The following HMGB1 variants were observed in gnomAD, a reference collection of about 807,000 sequenced individuals.
The protein encoded by HMGB1 is high mobility group box 1, also known as high mobility group protein B1.
For synonymous variants in HMGB1, 81 were observed against 84.0 expected (o/e 0.96, Z 0.19); for missense variants, 79 against 253.5 (o/e 0.31, Z 4.67).
intron 1 of HMGB1, among the ~76,000 whole-genome samples, chr13:30,484,081 C>T (rs538086245): frequency 5.3e-5 from 8 of 152,294 alleles, no homozygotes; most frequent in African/African-American, 1.7e-4. Context: ...ACCTGTCCAA[C>T]TCATGCTTGT....
intron 1 of HMGB1, among the ~76,000 whole-genome samples, chr13:30,581,696 AGGACTCTTGCTTT>A (rs1001502843): frequency 1.3e-5 from 2 of 152,202 alleles, no homozygotes; most frequent in African/African-American, 4.8e-5. Flanking sequence ...GTTCCCAATC[AGGACTCTTGCTTT>A]GATAGAAGGC....
chr13:30,613,286 G>T (rs764846051), intron 1 of HMGB1, among the ~76,000 whole-genome samples: 2 of 152,116 alleles, frequency 1.3e-5, no homozygotes, highest in Non-Finnish European at 2.9e-5. Flanking sequence ...GCCTCCCAAA[G>T]TGCTGGGATT....
chr13:30,587,432 C>T (rs1593329103), intron 1 of HMGB1, among the ~76,000 whole-genome samples: 1 of 152,312 alleles, frequency 6.6e-6, no homozygotes, highest in East Asian at 1.9e-4. Context: ...AGCAATTCTC[C>T]TGCCTCAGCT....
chr13:30,524,362 AAAAAG>A (rs1888316112), intron 1 of HMGB1, among the ~76,000 whole-genome samples: 1 of 145,482 alleles, frequency 6.9e-6, no homozygotes, highest in Non-Finnish European at 1.5e-5. Context: ...AAAAAAGAAA[AAAAAG>A]AAGAACTGCC....
intron 1 of HMGB1, among the ~76,000 whole-genome samples, chr13:30,610,152 C>T (rs1192891295): frequency 6.6e-6 from 1 of 152,158 alleles, no homozygotes; most frequent in Non-Finnish European, 1.5e-5. Context: ...ACACATATGA[C>T]ATACAAAATA....
At chr13:30,613,621 T>C (rs180827296) in intron 1 of HMGB1, among the ~76,000 whole-genome samples, 3 of 152,380 alleles carry the variant, frequency 2.0e-5, no homozygotes, top group Non-Finnish European at 2.9e-5. Flanking sequence ...ACTTGCTTCA[T>C]ATATACATAC....
At chr13:30,602,021 G>C (rs1408387276) in intron 1 of HMGB1, among the ~76,000 whole-genome samples, 1 of 152,126 alleles carries the variant, frequency 6.6e-6, no homozygotes, top group East Asian at 1.9e-4. Flanking sequence ...CTCGGGGCAG[G>C]GGGGTGAACA....
At chr13:30,526,299 C>T (rs1478798486) in intron 1 of HMGB1, among the ~76,000 whole-genome samples, 11 of 151,928 alleles carry the variant, frequency 7.2e-5, no homozygotes, top group African/African-American at 2.2e-4. Context: ...TCAAGTGATG[C>T]GCCTGCCTCG....
chr13:30,593,910 A>G (rs939884650), intron 1 of HMGB1, among the ~76,000 whole-genome samples: 1 of 152,202 alleles, frequency 6.6e-6, no homozygotes, highest in African/African-American at 2.4e-5. Context: ...TAAATGCAAG[A>G]AAGGAAAAAA....
At chr13:30,600,960 A>G (rs1273748874) in intron 1 of HMGB1, among the ~76,000 whole-genome samples, 1 of 152,212 alleles carries the variant, frequency 6.6e-6, no homozygotes, top group Non-Finnish European at 1.5e-5. Context: ...ACTTGCATGT[A>G]TACATCCAGA....
At chr13:30,538,345 G>A (rs370619266) in intron 1 of HMGB1, among the ~76,000 whole-genome samples, 13 of 152,178 alleles carry the variant, frequency 8.5e-5, no homozygotes, top group African/African-American at 3.1e-4. Context: ...GAAAAGGAGG[G>A]GAAAGAAAGC....
intron 1 of HMGB1, among the ~76,000 whole-genome samples, chr13:30,611,790 T>A (rs1950515010): frequency 6.6e-6 from 1 of 151,904 alleles, no homozygotes; most frequent in Admixed American, 6.6e-5. Context: ...TCTGTGCATC[T>A]CTTCATCTGG....
chr13:30,543,029 T>C (rs1292487807), intron 1 of HMGB1: 1 of 152,266 alleles, frequency 6.6e-6, no homozygotes, highest in African/African-American at 2.4e-5. Flanking sequence ...TGCTTGACTT[T>C]AATCATTCAG....
At position 30,600,176 on chromosome 13, in the gene HMGB1, T is replaced by C. The variant is rs528869897; in HGVS notation, c.-15+16495A>G. Among the ~76,000 whole-genome samples the C allele has an allele frequency of 1.5e-3, 236 of 152,350 alleles. 1 individual carries two copies. Among genetic ancestry groups the C allele is most frequent in the Middle Eastern group, 6.8e-3 (2 of 294 alleles). ...CAAAACCTAAAATTCTTCTATTCTT[T>C]CATTGGCAATTTATTTCCCCTGAAA... is the stretch of plus-strand genomic sequence containing the variant. On this transcript the variant is annotated intron_variant, in intron 1 of 4. Coordinates refer to the HMGB1 transcript ENST00000405805.
chr13:30,600,355 T>C (rs1436112039), intron 1 of HMGB1, among the ~76,000 whole-genome samples: 1 of 152,236 alleles, frequency 6.6e-6, no homozygotes, highest in Non-Finnish European at 1.5e-5. Flanking sequence ...GATCACTGTC[T>C]GCTTTAATAA....
In HMGB1 at chr13:30,570,091, A is replaced by G. The variant is rs546294962; in HGVS notation, c.-15+46580T>C. Among the ~76,000 whole-genome samples the G allele has an allele frequency of 6.6e-5, 10 of 152,326 alleles. No individual in the cohort carries two copies. In the East Asian group the frequency reaches 1.9e-3, roughly 29 times the overall value. On this transcript the variant is annotated intron_variant, in intron 1 of 4. Coordinates refer to the HMGB1 transcript ENST00000405805. Reference sequence around the variant, plus strand: ...TTTCTTTGTAAGTGAAGGACAGCACACTGGTTTTGATGACTCACGAGAGAG... The same window carrying G: ...TTTCTTTGTAAGTGAAGGACAGCACGCTGGTTTTGATGACTCACGAGAGAG...
rs370300946 is a variant in HMGB1, at chr13:30,561,591, A to G, written c.-15+55080T>C. On this transcript the variant is annotated intron_variant, in intron 1 of 4. Transcript: ENST00000405805. ...AGTCAGTGAAGTAGTAGGAACGATG[A>G]CAGATGACACTGGGTTGAAGACTGA... 2.1e-3 allele frequency among the ~76,000 whole-genome samples: 321 copies of G among 152,272 alleles called. 1 individual carries two copies. Among genetic ancestry groups the G allele is most frequent in the African/African-American group, 7.3e-3 (304 of 41,540 alleles).
intron 1 of HMGB1, among the ~76,000 whole-genome samples, chr13:30,585,728 T>A (rs993940616): frequency 6.6e-6 from 1 of 151,866 alleles, no homozygotes; most frequent in African/African-American, 2.4e-5. Flanking sequence ...ATAAATATCT[T>A]TTTTAACATC....
rs1430020480 is a variant in HMGB1 at position 30,601,541 on chromosome 13, C to G, written c.-15+15130G>C. Among the ~76,000 whole-genome samples the G allele has an allele frequency of 5.0e-5, 2 of 39,812 alleles. 1 individual carries two copies. Among genetic ancestry groups the G allele is most frequent in the Non-Finnish European group, 8.9e-5 (2 of 22,380 alleles). 26.1% of individuals were successfully genotyped at this position (39,812 alleles called of 152,430 possible). A position where few individuals can be genotyped will look rare whatever the true frequency, so the allele number is the denominator to read the frequency against. On this transcript the variant is annotated intron_variant, in intron 1 of 4. Transcript: ENST00000405805. ...CGGGCGGATCACGAGGTCAAGAGAT[C>G]GAGACCATCCCGGCTAAAACGGTGA... is the stretch of plus-strand genomic sequence containing the variant.
Sources: gnomAD v4.1 joint callset for allele counts (sites outside exome capture counted in the v4.1 genomes callset) on GRCh38, gnomAD v4.1.1 for gene constraint, MANE v1.5 for transcripts, NCBI Gene and HGNC (gene_info 2026-07-23, HGNC 2026-07-21) for gene names.